The following WDPCP variants were observed in gnomAD, a reference collection of about 807,000 sequenced individuals.
The protein encoded by WDPCP is WD repeat-containing and planar cell polarity effector protein fritz homolog.
Under a neutral mutation model 93.1 loss-of-function variants are expected in WDPCP, and 71 were observed. The ratio of observed to expected loss-of-function variants is 0.76; its 90% CI spans 0.63 to 0.93. The LOEUF (loss-of-function observed/expected upper bound fraction) is 0.93. Among genes scored for constraint, WDPCP ranks in the 40% least tolerant of loss-of-function variants. WDPCP has a pLI of 0.00. For missense variants in WDPCP, 844 were observed against 887.4 expected (o/e 0.95, Z 0.62); for synonymous variants, 315 against 315.0 (o/e 1.00, Z 0.00).
intron 6 of WDPCP, among the ~76,000 whole-genome samples, chr2:63,456,534 T>C (rs753687131): frequency 6.6e-6 from 1 of 152,324 alleles, no homozygotes; most frequent in African/African-American, 2.4e-5. Flanking sequence ...GGGAAATTTA[T>C]AGCAATAAAC....
At chr2:63,817,443 T>G (rs983529195) in intron 1 of WDPCP, among the ~76,000 whole-genome samples, 5 of 152,172 alleles carry the variant, frequency 3.3e-5, no homozygotes, top group African/African-American at 1.2e-4. Context: ...AATTACAACT[T>G]AATTTTTAAA....
At chr2:63,370,727 GT>G (rs985778066) in intron 12 of WDPCP, among the ~76,000 whole-genome samples, 4 of 151,932 alleles carry the variant, frequency 2.6e-5, no homozygotes, top group African/African-American at 9.7e-5. Context: ...TTTTTAGTCA[GT>G]TTTGGTTTTT....
intron 3 of WDPCP, chr2:63,599,274 C>A: frequency 1.2e-6 from 2 of 1,613,284 alleles, no homozygotes; most frequent in Non-Finnish European, 1.7e-6. Flanking sequence ...GTTTGGATCA[C>A]AACCGAGCTA....
chr2:63,569,885 A>G (rs921409900), intron 1 of WDPCP, among the ~76,000 whole-genome samples: 1 of 152,226 alleles, frequency 6.6e-6, no homozygotes, highest in Non-Finnish European at 1.5e-5. Context: ...GGGTAGTTTT[A>G]AAACACCTTC....
intron 2 of WDPCP, among the ~76,000 whole-genome samples, chr2:63,698,086 G>A (rs909726972): frequency 3.3e-5 from 5 of 152,048 alleles, no homozygotes; most frequent in African/African-American, 1.2e-4. Flanking sequence ...CTCCTGAGTA[G>A]CTGGGATTAT....
At position 63,439,875 on chromosome 2, in the gene WDPCP, A is replaced by C; in HGVS notation, c.385-4T>G. On this transcript the variant is annotated splice_polypyrimidine_tract_variant and splice_region_variant and intron_variant, in intron 6 of 17. Transcript: ENST00000272321. ...GCACACCTGAACCAAAAAGGAGCTA[A>C]AACCAGGTAAGTGGGGGAGAGAGGG... The C allele has an allele frequency of 6.2e-7, 1 of 1,611,320 alleles. No individual in the cohort carries two copies. Among genetic ancestry groups the C allele is most frequent in the Non-Finnish European group, 8.5e-7 (1 of 1,178,240 alleles).
chr2:63,786,076 G>C (rs1291038603), intron 2 of WDPCP, among the ~76,000 whole-genome samples: 1 of 152,100 alleles, frequency 6.6e-6, no homozygotes, highest in African/African-American at 2.4e-5. Flanking sequence ...GTCTCTCTCT[G>C]TTGCCTAGGC....
chr2:63,604,857 G>T (rs1336341941), intron 3 of WDPCP: 11 of 1,614,096 alleles, frequency 6.8e-6, no homozygotes, highest in Non-Finnish European at 9.3e-6. Flanking sequence ...GCTGGCTCAA[G>T]GGAGAATTTG....
At chr2:63,633,117 C>T (rs1709882005) in intron 3 of WDPCP, among the ~76,000 whole-genome samples, 1 of 152,128 alleles carries the variant, frequency 6.6e-6, no homozygotes, top group African/African-American at 2.4e-5. Context: ...AAATATTTTA[C>T]CCTGCAAAGC....
At chr2:63,397,876 T>C (rs1033839851) in intron 10 of WDPCP, among the ~76,000 whole-genome samples, 1 of 152,024 alleles carries the variant, frequency 6.6e-6, no homozygotes, top group Admixed American at 6.6e-5. Flanking sequence ...GAAAGGAAGG[T>C]GAATATTAGA....
chr2:63,499,980 C>T (rs1040534443), intron 1 of WDPCP, among the ~76,000 whole-genome samples: 4 of 152,170 alleles, frequency 2.6e-5, no homozygotes, highest in Non-Finnish European at 4.4e-5. Flanking sequence ...AACTCTGGCT[C>T]TTCTTCTTAA....
chr2:63,622,902 C>A, intron 3 of WDPCP: 1 of 1,287,768 alleles, frequency 7.8e-7, no homozygotes, highest in Non-Finnish European at 1.1e-6. Flanking sequence ...ACGCGGGGGC[C>A]GGGCCAGGCC....
chr2:63,130,268 A>G (rs1670206817), intron 17 of WDPCP, among the ~76,000 whole-genome samples: 1 of 152,068 alleles, frequency 6.6e-6, no homozygotes. Flanking sequence ...TCTTTGATAC[A>G]TTTTGAGTTG....
chr2:63,821,341 AT>A (rs1168986783), intron 1 of WDPCP, among the ~76,000 whole-genome samples: 1 of 152,186 alleles, frequency 6.6e-6, no homozygotes, highest in Non-Finnish European at 1.5e-5. Flanking sequence ...GGGCAGGACA[AT>A]CTAAATGGAA....
chr2:63,221,543 A>G (rs976344473), intron 14 of WDPCP, among the ~76,000 whole-genome samples: 1 of 152,210 alleles, frequency 6.6e-6, no homozygotes, highest in African/African-American at 2.4e-5. Flanking sequence ...ACAGTTTCCT[A>G]AAGGTATTTA....
chr2:63,553,400 T>C (rs1214126096), intron 1 of WDPCP, among the ~76,000 whole-genome samples: 1 of 152,172 alleles, frequency 6.6e-6, no homozygotes, highest in Non-Finnish European at 1.5e-5. Context: ...AGATCTGTCA[T>C]TTGGTTAGGT....
chr2:63,572,715 A>AAAAAAAAAAAAG (rs1707619136), intron 1 of WDPCP, among the ~76,000 whole-genome samples: 1 of 146,954 alleles, frequency 6.8e-6, no homozygotes, highest in Non-Finnish European at 1.5e-5. Context: ...AAAAAAAAAA[A>AAAAAAAAAAAAG]AAAAAAAAAA....
intron 2 of WDPCP, among the ~76,000 whole-genome samples, chr2:63,708,673 G>A (rs564762129): frequency 1.8e-4 from 28 of 152,116 alleles, no homozygotes; most frequent in Non-Finnish European, 2.9e-4. Context: ...AGATGAACCC[G>A]GTACCTCAGT....
At chr2:63,316,684 G>GA (rs1424776695) in intron 12 of WDPCP, among the ~76,000 whole-genome samples, 306 of 151,070 alleles carry the variant, frequency 2.0e-3, no homozygotes, top group African/African-American at 6.9e-3. Context: ...AAAAATAAAA[G>GA]AAAAAAAACT....
Sources: allele counts gnomAD v4.1 joint callset (sites outside exome capture counted in the v4.1 genomes callset), GRCh38; gene constraint gnomAD v4.1.1; transcripts MANE v1.5; gene names NCBI Gene and HGNC (gene_info 2026-07-23, HGNC 2026-07-21).